PDE3B: variants seen among roughly 807,000 people sequenced by gnomAD.
PDE3B encodes phosphodiesterase 3B, also known as cGMP-inhibited 3',5'-cyclic phosphodiesterase 3B.
In PDE3B, 66 loss-of-function variants were observed where a neutral mutation model predicts 116.8. The ratio of observed to expected loss-of-function variants is 0.56; its 90% CI spans 0.46 to 0.69. The LOEUF (loss-of-function observed/expected upper bound fraction) is 0.69. Ranked by LOEUF, PDE3B falls within the 30% of genes least tolerant of loss-of-function variation. The pLI is 0.00. For synonymous variants in PDE3B, 595 were observed against 533.6 expected (o/e 1.12, Z -1.59); for missense variants, 1,384 against 1,368.1 (o/e 1.01, Z -0.18).
the PDE3B span, among the ~76,000 whole-genome samples, chr11:14,884,709 A>C: frequency 6.6e-6 from 1 of 152,030 alleles, no homozygotes; most frequent in Non-Finnish European, 1.5e-5. Context: ...AAAATTAAAA[A>C]AAGAAATAAA....
chr11:14,665,235 T>G (rs1324522771), intron 1 of PDE3B, among the ~76,000 whole-genome samples: 1 of 152,222 alleles, frequency 6.6e-6, no homozygotes, highest in Non-Finnish European at 1.5e-5. Flanking sequence ...TGCTAAAAGC[T>G]CTCAATAAAT....
chr11:14,817,077 C>G (rs898299515), intron 5 of PDE3B, among the ~76,000 whole-genome samples: 1 of 152,138 alleles, frequency 6.6e-6, no homozygotes, highest in Admixed American at 6.5e-5. Context: ...GAAAATGTGG[C>G]ACATACACAC....
chr11:14,828,949 G>C (rs1223187287), intron 7 of PDE3B, among the ~76,000 whole-genome samples: 1 of 152,140 alleles, frequency 6.6e-6, no homozygotes, highest in Non-Finnish European at 1.5e-5. Flanking sequence ...AGAAAATATG[G>C]TACATATACA....
intron 2 of PDE3B, among the ~76,000 whole-genome samples, chr11:14,780,360 A>G (rs1664094481): frequency 6.6e-6 from 1 of 152,242 alleles, no homozygotes; most frequent in African/African-American, 2.4e-5. Context: ...AACAGAATAT[A>G]CATTCTTCTC....
chr11:14,865,174 T>TA (rs1374551626), intron 14 of PDE3B, among the ~76,000 whole-genome samples: 2 of 152,096 alleles, frequency 1.3e-5, no homozygotes, highest in African/African-American at 4.8e-5. Context: ...CCCACAGAAA[T>TA]ACAAACTACT....
the PDE3B span, among the ~76,000 whole-genome samples, chr11:14,893,673 A>G: frequency 6.6e-6 from 1 of 151,992 alleles, no homozygotes; most frequent in Non-Finnish European, 1.5e-5. Context: ...AATCCTTCCA[A>G]CATCGCTGTC....
At chr11:14,663,112 A>C (rs901551169) in intron 1 of PDE3B, among the ~76,000 whole-genome samples, 25 of 152,270 alleles carry the variant, frequency 1.6e-4, no homozygotes, top group African/African-American at 5.8e-4. Flanking sequence ...CGGATCTCTC[A>C]GCAGAAACTC....
At chr11:14,756,543 G>T (rs1395178521) in intron 1 of PDE3B, among the ~76,000 whole-genome samples, 1 of 152,092 alleles carries the variant, frequency 6.6e-6, no homozygotes, top group Non-Finnish European at 1.5e-5. Context: ...TTCATCTCCT[G>T]CTGGTGCCTC....
intron 1 of PDE3B, among the ~76,000 whole-genome samples, chr11:14,677,064 C>A (rs370949862): frequency 2.0e-5 from 3 of 152,106 alleles, no homozygotes; most frequent in African/African-American, 7.2e-5. Context: ...AGACTTGACA[C>A]CCTTGTCTAA....
intron 5 of PDE3B, among the ~76,000 whole-genome samples, chr11:14,807,544 A>C (rs1330758032): frequency 6.6e-6 from 1 of 152,214 alleles, no homozygotes; most frequent in African/African-American, 2.4e-5. Context: ...TGATTAAAAA[A>C]AGCTTGAATA....
chr11:14,887,353 T>G, the PDE3B span: 1 of 152,706 alleles, frequency 6.5e-6, no homozygotes, highest in African/African-American at 2.4e-5. Flanking sequence ...ACAATCCACC[T>G]TTACTCAAGA....
At chr11:14,783,767 A>T (rs955903982) in intron 2 of PDE3B, among the ~76,000 whole-genome samples, 4 of 152,092 alleles carry the variant, frequency 2.6e-5, no homozygotes, top group Non-Finnish European at 4.4e-5. Flanking sequence ...ATAATAATAA[A>T]AAAAAAGAAT....
chr11:14,662,515 A>T (rs1446116383), intron 1 of PDE3B, among the ~76,000 whole-genome samples: 1 of 151,890 alleles, frequency 6.6e-6, no homozygotes, highest in Non-Finnish European at 1.5e-5. Flanking sequence ...ACTCTGAGCT[A>T]CAGGAAGAAA....
At chr11:14,741,443 T>C (rs1438148059) in intron 1 of PDE3B, among the ~76,000 whole-genome samples, 1 of 152,104 alleles carries the variant, frequency 6.6e-6, no homozygotes, top group Non-Finnish European at 1.5e-5. Flanking sequence ...TTCCATTTGC[T>C]TGGTAAATAT....
At chr11:14,889,201 T>G in the PDE3B span, among the ~76,000 whole-genome samples, 1 of 151,684 alleles carries the variant, frequency 6.6e-6, no homozygotes, top group Non-Finnish European at 1.5e-5. Context: ...CATCTCAAAT[T>G]TAAAAGACAG....
At chr11:14,810,562 T>A (rs1685008590) in intron 5 of PDE3B, among the ~76,000 whole-genome samples, 1 of 152,002 alleles carries the variant, frequency 6.6e-6, no homozygotes, top group Non-Finnish European at 1.5e-5. Flanking sequence ...TCATCCAGTC[T>A]ATCATTGTTG....
In PDE3B at chr11:14,687,735, CA is replaced by C. The variant is rs555394263; in HGVS notation, c.978+42683del. 2.0e-4 allele frequency among the ~76,000 whole-genome samples: 30 copies of C among 152,212 alleles called. No individual in the cohort carries two copies. The South Asian group carries it at 6.0e-3, about 31-fold the overall frequency. ...CACTGTTTTTGTTTTAGTTGCCTAT[CA>C]GATCTTTTGTCACCTTTTCTCTCAC... On this transcript the variant is annotated intron_variant, in intron 1 of 15. Coordinates refer to ENST00000282096, the MANE Select transcript of PDE3B (RefSeq NM_000922.4).
intron 1 of PDE3B, among the ~76,000 whole-genome samples, chr11:14,731,177 G>A (rs1429642966): frequency 6.8e-6 from 1 of 148,046 alleles, no homozygotes; most frequent in African/African-American, 2.5e-5. Context: ...GGGATATTTT[G>A]TTCATATTCT....
chr11:14,784,852 T>C (rs974918368), intron 2 of PDE3B, among the ~76,000 whole-genome samples: 3 of 152,188 alleles, frequency 2.0e-5, no homozygotes, highest in Non-Finnish European at 2.9e-5. Flanking sequence ...AGTCACACTG[T>C]ACTCTCAGTA....
Sources: gnomAD v4.1 joint callset for allele counts (sites outside exome capture counted in the v4.1 genomes callset) on GRCh38, gnomAD v4.1.1 for gene constraint, MANE v1.5 for transcripts, NCBI Gene and HGNC (gene_info 2026-07-23, HGNC 2026-07-21) for gene names.